Variants in DHRSX observed in about 807,000 individuals in gnomAD.
DHRSX encodes polyprenol dehydrogenase.
In DHRSX, 31 loss-of-function variants were observed where a neutral mutation model predicts 34.0. The observed-to-expected ratio is 0.91, with a 90% CI of 0.69 to 1.23. DHRSX has a LOEUF of 1.23. Ranked by LOEUF, DHRSX falls within the 50% of genes most tolerant of loss-of-function variation. DHRSX has a pLI of 0.00. For missense variants in DHRSX, 414 were observed against 428.1 expected (o/e 0.97, Z 0.29); for synonymous variants, 201 against 183.8 (o/e 1.09, Z -0.76).
intron 3 of DHRSX, among the ~76,000 whole-genome samples, chrX:2,323,443 C>T (rs2042337413): frequency 1.3e-5 from 2 of 152,006 alleles, no homozygotes; most frequent in African/African-American, 2.4e-5. Flanking sequence ...AAGGCAGAAA[C>T]AAGCATCACT....
chrX:2,381,345 G>A (rs1287515024), intron 3 of DHRSX, among the ~76,000 whole-genome samples: 3 of 152,142 alleles, frequency 2.0e-5, no homozygotes, highest in Non-Finnish European at 2.9e-5. Context: ...AGAAGGCACC[G>A]TCTGTGAACC....
At chrX:2,338,195 T>C (rs1262903672) in intron 3 of DHRSX, among the ~76,000 whole-genome samples, 1 of 151,516 alleles carries the variant, frequency 6.6e-6, no homozygotes, top group African/African-American at 2.4e-5. Flanking sequence ...TAGCCAGGCA[T>C]GGTGGTGCGC....
intron 1 of DHRSX, among the ~76,000 whole-genome samples, chrX:2,465,098 A>C (rs1031498500): frequency 2.6e-5 from 4 of 151,954 alleles, no homozygotes; most frequent in Admixed American, 2.0e-4. Context: ...TTCCCTAAGC[A>C]TGCGGCCCAG....
chrX:2,297,818 G>T (rs1199479418), intron 3 of DHRSX, among the ~76,000 whole-genome samples: 1 of 151,344 alleles, frequency 6.6e-6, no homozygotes, highest in East Asian at 1.9e-4. Flanking sequence ...ACAGCGGACA[G>T]ATCTTGGCTG....
intron 3 of DHRSX, among the ~76,000 whole-genome samples, chrX:2,352,771 A>C (rs1454585420): frequency 6.6e-6 from 1 of 152,188 alleles, no homozygotes; most frequent in Non-Finnish European, 1.5e-5. Context: ...AGCAAATAAA[A>C]CAGACCTACA....
At chrX:2,282,551 G>T (rs1375939504) in intron 4 of DHRSX, among the ~76,000 whole-genome samples, 1 of 127,724 alleles carries the variant, frequency 7.8e-6, no homozygotes, top group Non-Finnish European at 1.7e-5. Flanking sequence ...GGGAGAAGAG[G>T]GAGGGTGTGC....
chrX:2,439,132 C>T (rs1246228338), intron 1 of DHRSX, among the ~76,000 whole-genome samples: 5 of 146,552 alleles, frequency 3.4e-5, no homozygotes, highest in East Asian at 2.0e-4. Context: ...GTGACAAGAG[C>T]GAGACTTTTT....
intron 3 of DHRSX, among the ~76,000 whole-genome samples, chrX:2,394,116 G>C (rs1346546376): frequency 6.6e-6 from 1 of 152,212 alleles, no homozygotes; most frequent in Non-Finnish European, 1.5e-5. Flanking sequence ...CGGATGGAAG[G>C]CTGCTTGTGT....
chrX:2,489,073 G>T (rs752142180), intron 1 of DHRSX: 5 of 1,613,814 alleles, frequency 3.1e-6, no homozygotes, highest in Non-Finnish European at 3.4e-6. Context: ...AGAAGATCTC[G>T]GCCAGCATGT....
chrX:2,314,780 T>A (rs1021270481), intron 3 of DHRSX, among the ~76,000 whole-genome samples: 1 of 152,078 alleles, frequency 6.6e-6, no homozygotes, highest in Non-Finnish European at 1.5e-5. Context: ...AAATCAGAAC[T>A]TCGTCCTCAT....
Position 2,221,214 on chromosome X carries a change from C to A in DHRSX, c.820G>T (p.Ala274Ser), listed in dbSNP as rs774160562. Residue 274 changes from alanine (A) to serine (S), a missense_variant, in exon 7 of 7, where the codon GCG becomes TCG. By Grantham distance (99) the Ala-to-Ser change is moderately conservative. Coordinates refer to ENST00000334651, the MANE Select transcript of DHRSX (RefSeq NM_145177.3). ...WLLFKTPDEG[A>S]WTSIYAAVTP... ...ACTGCTGCGTAGATGGAAGTCCACGCTCCTTCATCGGGGGTCTGGTGGAAG... is the reference window on the plus strand; with the variant it reads ...ACTGCTGCGTAGATGGAAGTCCACGATCCTTCATCGGGGGTCTGGTGGAAG... The A allele has an allele frequency of 3.2e-5, 52 of 1,613,532 alleles. No homozygotes were observed. The highest frequency in any genetic ancestry group is 4.3e-5 in the Non-Finnish European group (51 of 1,179,644).
chrX:2,311,107 G>T (rs750647736), intron 3 of DHRSX, among the ~76,000 whole-genome samples: 7 of 151,230 alleles, frequency 4.6e-5, no homozygotes, highest in African/African-American at 1.7e-4. Context: ...CACAGAAACT[G>T]AGAGACAGAG....
At chrX:2,463,900 T>G (rs1008192464) in intron 1 of DHRSX, among the ~76,000 whole-genome samples, 6 of 152,098 alleles carry the variant, frequency 3.9e-5, no homozygotes, top group African/African-American at 1.4e-4. Flanking sequence ...CTGAAGACGT[T>G]TTCTAAGAAT....
At chrX:2,461,686 C>CAG (rs1482954557) in intron 1 of DHRSX, among the ~76,000 whole-genome samples, 5 of 152,136 alleles carry the variant, frequency 3.3e-5, no homozygotes, top group Admixed American at 3.3e-4. Flanking sequence ...TGACCACACA[C>CAG]GCGTGGCACC....
chrX:2,469,501 G>A (rs1329687839), intron 1 of DHRSX, among the ~76,000 whole-genome samples: 1 of 150,324 alleles, frequency 6.7e-6, no homozygotes, highest in Non-Finnish European at 1.5e-5. Flanking sequence ...TAAGCATGTG[G>A]CTAACAGACT....
At chrX:2,463,678 C>G (rs914777817) in intron 1 of DHRSX, among the ~76,000 whole-genome samples, 6 of 151,950 alleles carry the variant, frequency 3.9e-5, no homozygotes, top group Admixed American at 2.0e-4. Flanking sequence ...GGTCAGGACG[C>G]TGGCTGGAGA....
At chrX:2,472,207 T>C (rs755061810) in intron 1 of DHRSX, among the ~76,000 whole-genome samples, 1 of 150,978 alleles carries the variant, frequency 6.6e-6, no homozygotes, top group African/African-American at 2.4e-5. Flanking sequence ...GAGGCCATTA[T>C]CCTTAGCAAA....
intron 1 of DHRSX, among the ~76,000 whole-genome samples, chrX:2,438,911 C>T (rs1246595266): frequency 6.6e-6 from 1 of 151,976 alleles, no homozygotes; most frequent in African/African-American, 2.4e-5. Context: ...CTTTGAGAGG[C>T]CGAGGTGGGT....
At chrX:2,309,009 G>A (rs773387659) in intron 3 of DHRSX, among the ~76,000 whole-genome samples, 2 of 152,196 alleles carry the variant, frequency 1.3e-5, no homozygotes, top group East Asian at 3.9e-4. Context: ...GCTTTAAAAT[G>A]ATAGGTTTCT....
Sources: allele counts gnomAD v4.1 joint callset (sites outside exome capture counted in the v4.1 genomes callset), GRCh38; gene constraint gnomAD v4.1.1; transcripts MANE v1.5; gene names NCBI Gene and HGNC (gene_info 2026-07-23, HGNC 2026-07-21).